TANC1: variants seen among roughly 807,000 people sequenced by gnomAD.
The protein encoded by TANC1 is protein TANC1.
A neutral mutation model predicts 149.7 loss-of-function variants in TANC1; 77 were observed. The ratio of observed to expected loss-of-function variants is 0.51; its 90% CI spans 0.43 to 0.62. TANC1 has a LOEUF of 0.62. TANC1 is among the 20% of genes least tolerant of loss of function. TANC1 has a pLI of 0.00. For missense variants in TANC1, 1,985 were observed against 2,321.8 expected (o/e 0.85, Z 2.98); for synonymous variants, 854 against 925.0 (o/e 0.92, Z 1.39).
chr2:159,059,789 G>A (rs947013461), intron 2 of TANC1, among the ~76,000 whole-genome samples: 1 of 151,850 alleles, frequency 6.6e-6, no homozygotes, highest in African/African-American at 2.4e-5. Flanking sequence ...GGATCTCCTA[G>A]GAGTGATGAG....
intron 13 of TANC1, 61 bp downstream of exon 13, chr2:159,176,579 T>G (rs2055878324): frequency 7.7e-7 from 1 of 1,302,138 alleles, no homozygotes; most frequent in South Asian, 1.3e-5. Flanking sequence ...GTGATAAATG[T>G]TAATAACGTA....
At chr2:159,208,821 G>A (rs1178100826) in intron 19 of TANC1, among the ~76,000 whole-genome samples, 6 of 152,204 alleles carry the variant, frequency 3.9e-5, no homozygotes, top group East Asian at 1.9e-4. Context: ...ATCCTTAGGC[G>A]ATTTGGTCAT....
intron 17 of TANC1, among the ~76,000 whole-genome samples, chr2:159,196,269 G>A (rs754543514): frequency 1.3e-5 from 2 of 152,190 alleles, no homozygotes; most frequent in Non-Finnish European, 2.9e-5. Flanking sequence ...AACCAAAGTT[G>A]GGAAATACAG....
intron 2 of TANC1, among the ~76,000 whole-genome samples, chr2:159,006,060 C>T (rs1401353137): frequency 1.3e-5 from 2 of 151,938 alleles, no homozygotes; most frequent in Admixed American, 1.3e-4. Flanking sequence ...CTTGGGAGGC[C>T]GAGGCCCATG....
chr2:159,230,911 G>C lies in TANC1; in HGVS notation c.5485G>C (p.Glu1829Gln). The change falls in exon 27 of 27, where the codon GAA (glutamate) becomes CAA (glutamine). Residue 1829 changes from glutamate to glutamine, a missense_variant. By Grantham distance (29) the Glu-to-Gln change is conservative. Transcript: ENST00000263635. The surrounding 1 kb of genome is among the most constrained non-coding windows in gnomAD (Gnocchi z 4.4). ...TAAGACTGTTTCTCATCTGTACCAGGAAAGTATCTCCAAACAGCAGCCTCA... is the reference window on the plus strand; with the variant it reads ...TAAGACTGTTTCTCATCTGTACCAGCAAAGTATCTCCAAACAGCAGCCTCA... Reference protein sequence around the residue: ...ITKTVSHLYQESISKQQPHIS... With the variant: ...ITKTVSHLYQQSISKQQPHIS... The C allele has an allele frequency of 6.2e-7, 1 of 1,614,192 alleles. No homozygotes were observed. The highest frequency in any genetic ancestry group is 2.2e-5 in the East Asian group (1 of 44,884).
intron 1 of TANC1, among the ~76,000 whole-genome samples, chr2:158,994,164 T>A (rs939223926): frequency 5.3e-5 from 8 of 152,202 alleles, no homozygotes; most frequent in Non-Finnish European, 1.2e-4. Context: ...ATCATAGAAT[T>A]GTTTTGCAAT....
intron 4 of TANC1, among the ~76,000 whole-genome samples, chr2:159,124,828 T>A (rs1400598345): frequency 6.6e-6 from 1 of 151,394 alleles, no homozygotes; most frequent in Non-Finnish European, 1.5e-5. Flanking sequence ...CAGCCTCGAC[T>A]TGTGTGATCC....
chr2:159,043,096 C>A (rs1226802761), intron 2 of TANC1, among the ~76,000 whole-genome samples: 3 of 152,122 alleles, frequency 2.0e-5, no homozygotes, highest in East Asian at 1.9e-4. Flanking sequence ...GGAATGGATT[C>A]TCTTGGTTTT....
intron 1 of TANC1, among the ~76,000 whole-genome samples, chr2:158,987,873 C>CACCT (rs2035187984): frequency 6.6e-6 from 1 of 152,206 alleles, no homozygotes; most frequent in South Asian, 2.1e-4. Flanking sequence ...GAAGGCTGGG[C>CACCT]ACCTGCCTGG....
At chr2:159,179,826 G>T (rs2056290492) in intron 14 of TANC1, among the ~76,000 whole-genome samples, 1 of 152,198 alleles carries the variant, frequency 6.6e-6, no homozygotes, top group Non-Finnish European at 1.5e-5. Flanking sequence ...GTGTGGCTTG[G>T]TAACAGTGTG....
At chr2:158,978,111 G>C (rs1252133125) in intron 1 of TANC1, among the ~76,000 whole-genome samples, 1 of 152,102 alleles carries the variant, frequency 6.6e-6, no homozygotes, top group South Asian at 2.1e-4. Context: ...TTTGCAGATG[G>C]GTTGTAGGCT....
chr2:159,209,584 C>G (rs1360684049), intron 19 of TANC1, among the ~76,000 whole-genome samples: 1 of 152,158 alleles, frequency 6.6e-6, no homozygotes, highest in Non-Finnish European at 1.5e-5. Flanking sequence ...CTCCCAGTGG[C>G]AGCAAAGCGA....
chr2:158,980,088 A>G (rs576067091), intron 1 of TANC1, among the ~76,000 whole-genome samples: 123 of 152,340 alleles, frequency 8.1e-4, no homozygotes, highest in African/African-American at 2.7e-3. Context: ...AGTCTTAGGA[A>G]GTTAACAGGT....
chr2:158,991,342 T>C (rs2035607498), intron 1 of TANC1, among the ~76,000 whole-genome samples: 3 of 152,150 alleles, frequency 2.0e-5, no homozygotes, highest in Admixed American at 2.0e-4. Context: ...GGTACATCCA[T>C]ACGATAGAGT....
In TANC1 at chr2:159,231,371, G is replaced by A. The variant is rs17576859; in HGVS notation, c.*359G>A. On this transcript the variant is annotated 3_prime_UTR_variant, in exon 27 of 27. Transcript: ENST00000263635. ...GAGAATAAATATGTCTATTGTTCAA[G>A]AGTAACAGGTTTAACTCATGACCAA... 0.052 allele frequency: 9,652 copies of A among 185,006 alleles called. 488 individuals carry two copies. Among genetic ancestry groups the A allele is most frequent in the East Asian group, 0.24 (1,724 of 7,204 alleles). 11.5% of individuals were successfully genotyped at this position (185,006 alleles called of 1,614,324 possible).
intron 18 of TANC1, among the ~76,000 whole-genome samples, chr2:159,198,183 G>A (rs942887413): frequency 6.6e-6 from 1 of 152,180 alleles, no homozygotes; most frequent in African/African-American, 2.4e-5. Context: ...GATTAGATCA[G>A]GTGTGTATCA....
chr2:159,143,543 C>A (rs906463798), intron 5 of TANC1, among the ~76,000 whole-genome samples: 11 of 77,692 alleles, frequency 1.4e-4, no homozygotes, highest in Admixed American at 2.4e-4. Context: ...CATAGCAAGA[C>A]CCCATCTCAA....
intron 7 of TANC1, among the ~76,000 whole-genome samples, chr2:159,157,666 A>G (rs1260204182): frequency 6.6e-6 from 1 of 151,942 alleles, no homozygotes; most frequent in East Asian, 1.9e-4. Context: ...TTCCTTTTCT[A>G]TTCACTTCTT....
intron 7 of TANC1, among the ~76,000 whole-genome samples, chr2:159,152,463 A>ATTTTTTTTTTTT (rs55894080): frequency 8.5e-6 from 1 of 118,156 alleles, no homozygotes. Flanking sequence ...TTATAACCAA[A>ATTTTTTTTTTTT]TTTTTTTTTT....
Sources: gnomAD v4.1 joint callset for allele counts (sites outside exome capture counted in the v4.1 genomes callset) on GRCh38, gnomAD v4.1.1 for gene constraint, Gnocchi (gnomAD v3.1) non-coding constraint, MANE v1.5 for transcripts, NCBI Gene and HGNC (gene_info 2026-07-23, HGNC 2026-07-21) for gene names.